The following ST18 variants were observed in gnomAD, a reference collection of about 807,000 sequenced individuals.
ST18 encodes the protein suppression of tumorigenicity 18 protein.
ST18 carries 50 observed loss-of-function variants against 110.0 expected under a neutral mutation model. The observed-to-expected ratio is 0.45, with a 90% CI of 0.36 to 0.58. The LOEUF (loss-of-function observed/expected upper bound fraction) is 0.58. Ranked by LOEUF, ST18 falls within the 20% of genes least tolerant of loss-of-function variation. ST18 has a pLI of 0.00. For synonymous variants in ST18, 461 were observed against 452.4 expected (o/e 1.02, Z -0.24); for missense variants, 1,306 against 1,280.1 (o/e 1.02, Z -0.31).
intron 16 of ST18, among the ~76,000 whole-genome samples, chr8:52,143,253 G>A (rs562745922): frequency 7.1e-4 from 108 of 152,300 alleles, no homozygotes; most frequent in African/African-American, 2.4e-3. Flanking sequence ...TTGGGAAGCC[G>A]AGGCAGGCGG....
intron 2 of ST18, among the ~76,000 whole-genome samples, chr8:52,367,234 TCTCACACACACA>T (rs1828392028): frequency 9.6e-6 from 1 of 104,490 alleles, no homozygotes; most frequent in Non-Finnish European, 1.9e-5. Context: ...CGGGACCCTG[TCTCACACACACA>T]CACACACACA....
chr8:52,242,351 A>C (rs2093485433), intron 2 of ST18, among the ~76,000 whole-genome samples: 1 of 152,212 alleles, frequency 6.6e-6, no homozygotes, highest in Non-Finnish European at 1.5e-5. Context: ...GGGTGGCTGC[A>C]CACCCCCTCT....
intron 23 of ST18, among the ~76,000 whole-genome samples, chr8:52,121,321 T>C (rs1454647720): frequency 6.6e-6 from 1 of 152,208 alleles, no homozygotes; most frequent in Non-Finnish European, 1.5e-5. Context: ...CAGGCTCCCT[T>C]TACATGCTCA....
chr8:52,267,592 C>G (rs905050719), intron 2 of ST18, among the ~76,000 whole-genome samples: 2 of 151,706 alleles, frequency 1.3e-5, no homozygotes, highest in Admixed American at 1.3e-4. Context: ...TCTCCAAGAG[C>G]TTTAGCATTG....
Position 52,161,370 on chromosome 8 carries a change from C to T in ST18, c.1594+5G>A. The T allele has an allele frequency of 6.2e-7, 1 of 1,612,604 alleles. No individual in the cohort carries two copies. Among genetic ancestry groups the T allele is most frequent in the Non-Finnish European group, 8.5e-7 (1 of 1,179,058 alleles). On this transcript the variant is annotated splice_donor_5th_base_variant and intron_variant, in intron 14 of 25. Transcript: ENST00000689386. ...GGGGAAACGGCATTAGAGCTCAAAGCTTACATTCAGGAAATGGTGGTGTTT... is the reference window on the plus strand; with the variant it reads ...GGGGAAACGGCATTAGAGCTCAAAGTTTACATTCAGGAAATGGTGGTGTTT...
chr8:52,385,190 G>A (rs949840847), intron 2 of ST18, among the ~76,000 whole-genome samples: 1 of 152,150 alleles, frequency 6.6e-6, no homozygotes, highest in African/African-American at 2.4e-5. Flanking sequence ...GTTGAAGCTG[G>A]CAGGGATGAG....
intron 2 of ST18, among the ~76,000 whole-genome samples, chr8:52,306,040 T>C (rs2095807021): frequency 6.6e-6 from 1 of 152,156 alleles, no homozygotes; most frequent in African/African-American, 2.4e-5. Context: ...TCCTCCCCTA[T>C]ACCTCCCCAC....
intron 2 of ST18, among the ~76,000 whole-genome samples, chr8:52,334,244 CATAA>C (rs925398893): frequency 6.6e-6 from 1 of 152,184 alleles, no homozygotes; most frequent in Non-Finnish European, 1.5e-5. Context: ...TTAATAAAGA[CATAA>C]ATAAACAAAT....
rs1331437139 is a variant in ST18 at position 52,149,785 on chromosome 8, C to A, written c.1999G>T (p.Asp667Tyr). ...YQALCDQEGW[D>Y]TPINYSKTHG... ...GTTTTGCTATAGTTGATAGGAGTGT[C>A]CCAGCCCTCTTGGTCACAAAGAGCC... The change falls in exon 16 of 26, where the codon GAC (aspartate) becomes TAC (tyrosine). Residue 667 changes from aspartate to tyrosine, a missense_variant. Asp to Tyr is a radical substitution (Grantham distance 160, BLOSUM62 -3). Transcript: ENST00000689386. 6.2e-7 allele frequency: 1 copy of A among 1,614,022 alleles called. No individual in the cohort carries two copies. The highest frequency in any genetic ancestry group is 1.3e-5 in the African/African-American group (1 of 74,912).
intron 2 of ST18, among the ~76,000 whole-genome samples, chr8:52,248,839 G>C (rs1322349238): frequency 1.3e-5 from 2 of 152,068 alleles, no homozygotes; most frequent in Non-Finnish European, 2.9e-5. Context: ...GTTTTGTTGT[G>C]CTTGATTGGT....
At chr8:52,115,862 AGTC>A (rs1457460851) in intron 25 of ST18, among the ~76,000 whole-genome samples, 1 of 152,144 alleles carries the variant, frequency 6.6e-6, no homozygotes, top group Admixed American at 6.5e-5. Flanking sequence ...GAAAGCACCT[AGTC>A]CATTGGGAAT....
intron 2 of ST18, among the ~76,000 whole-genome samples, chr8:52,309,491 A>G (rs1210540812): frequency 4.3e-5 from 6 of 140,482 alleles, no homozygotes; most frequent in Non-Finnish European, 1.5e-5. Flanking sequence ...ATTGCACTCC[A>G]GCCTGGGCAA....
chr8:52,145,402 G>A (rs2056905681), intron 16 of ST18, among the ~76,000 whole-genome samples: 1 of 152,058 alleles, frequency 6.6e-6, no homozygotes, highest in Admixed American at 6.6e-5. Flanking sequence ...TTAACACATA[G>A]ACTCATATGC....
intron 2 of ST18, among the ~76,000 whole-genome samples, chr8:52,397,248 T>A (rs994912917): frequency 3.0e-4 from 45 of 152,204 alleles, no homozygotes; most frequent in African/African-American, 1.1e-3. Flanking sequence ...TGCACACCTC[T>A]TCATATATAT....
chr8:52,269,019 C>T (rs947584312), intron 2 of ST18, among the ~76,000 whole-genome samples: 2 of 152,226 alleles, frequency 1.3e-5, no homozygotes, highest in African/African-American at 4.8e-5. Context: ...GTATAGAATG[C>T]TGACATCAAT....
chr8:52,135,049 G>T (rs1396229185), intron 19 of ST18, among the ~76,000 whole-genome samples: 1 of 152,120 alleles, frequency 6.6e-6, no homozygotes, highest in African/African-American at 2.4e-5. Flanking sequence ...TTTTCTAGAA[G>T]CAAGTTTTAG....
chr8:52,130,131 G>GAAAGAAAGAAAGAAAT (rs2048851267), intron 22 of ST18, among the ~76,000 whole-genome samples: 1 of 137,954 alleles, frequency 7.2e-6, no homozygotes, highest in Non-Finnish European at 1.5e-5. Flanking sequence ...AAGAAAGAAA[G>GAAAGAAAGAAAGAAAT]AAAGAAAGAA....
At chr8:52,223,551 C>T (rs2087838244) in intron 3 of ST18, among the ~76,000 whole-genome samples, 1 of 150,156 alleles carries the variant, frequency 6.7e-6, no homozygotes, top group African/African-American at 2.5e-5. Flanking sequence ...GGCTGAGGCA[C>T]AAGAATCACT....
At chr8:52,351,718 A>C (rs1820406439) in intron 2 of ST18, among the ~76,000 whole-genome samples, 1 of 152,242 alleles carries the variant, frequency 6.6e-6, no homozygotes, top group Non-Finnish European at 1.5e-5. Context: ...TTATATTGTG[A>C]GTGAAGACTT....
Sources: gnomAD v4.1 joint callset for allele counts (sites outside exome capture counted in the v4.1 genomes callset) on GRCh38, gnomAD v4.1.1 for gene constraint, MANE v1.5 for transcripts, NCBI Gene and HGNC (gene_info 2026-07-23, HGNC 2026-07-21) for gene names.